VAV3: variants seen among roughly 807,000 people sequenced by gnomAD.
VAV3 encodes guanine nucleotide exchange factor VAV3.
In VAV3, 94 loss-of-function variants were observed where a neutral mutation model predicts 131.2. That is an observed-to-expected ratio of 0.72 (90% CI 0.61 to 0.85). The LOEUF is 0.85. VAV3 is among the 40% of genes least tolerant of loss of function. The pLI, the probability that VAV3 is intolerant of heterozygous loss-of-function variation, is 0.00. For missense variants in VAV3, 939 were observed against 1,002.7 expected (o/e 0.94, Z 0.86); for synonymous variants, 349 against 342.0 (o/e 1.02, Z -0.22).
Position 107,760,826 on chromosome 1 carries a change from C to T in VAV3, c.975G>A (p.Val325=). The part of the protein sequence containing the change: ...NGKFTLRDLL[V]VPMQRVLKYH... ...ACTTTAAAACACGTTGCATAGGAAC[C>T]ACAAGCAAGTCTCGAAGAGTAAATT... Residue 325 remains valine, a synonymous_variant, in exon 10 of 27, where the codon GTG becomes GTA. Coordinates refer to ENST00000370056, the MANE Select transcript of VAV3 (RefSeq NM_006113.5). The T allele has an allele frequency of 6.2e-7, 1 of 1,613,788 alleles. No individual in the cohort carries two copies. The highest frequency in any genetic ancestry group is 8.5e-7 in the Non-Finnish European group (1 of 1,179,814).
chr1:107,795,536 GA>G (rs897753492), intron 2 of VAV3, among the ~76,000 whole-genome samples: 43 of 151,658 alleles, frequency 2.8e-4, no homozygotes, highest in East Asian at 5.8e-4. Flanking sequence ...CTCCCCCCAG[GA>G]AAAAAAATGA....
chr1:107,693,925 C>A (rs958827595), intron 17 of VAV3, among the ~76,000 whole-genome samples: 1 of 152,116 alleles, frequency 6.6e-6, no homozygotes, highest in South Asian at 2.1e-4. Context: ...TGAAAAATGG[C>A]ACTGCTTACT....
chr1:107,596,354 G>T lies in VAV3; in HGVS notation c.2221-13C>A, dbSNP rs759181536. The T allele has an allele frequency of 3.1e-6, 5 of 1,610,608 alleles. No individual in the cohort carries two copies. The highest frequency in any genetic ancestry group is 2.7e-5 in the African/African-American group (2 of 74,846). On this transcript the variant is annotated splice_polypyrimidine_tract_variant and intron_variant, in intron 24 of 26. Coordinates refer to ENST00000370056, the MANE Select transcript of VAV3 (RefSeq NM_006113.5). ...ACTCCACAAGTTCCTTTGGAAAAAA[G>T]AATCCAACATATTTTTGATAAGGAT...
At chr1:107,662,437 C>A (rs900435714) in intron 19 of VAV3, among the ~76,000 whole-genome samples, 2 of 152,084 alleles carry the variant, frequency 1.3e-5, no homozygotes, top group African/African-American at 4.8e-5. Flanking sequence ...CAAGTGGAGA[C>A]AATAATGTCA....
At chr1:107,785,748 G>A (rs967040292) in intron 2 of VAV3, 4 of 764,698 alleles carry the variant, frequency 5.2e-6, no homozygotes, top group African/African-American at 3.8e-5. Context: ...TGTAGACCAG[G>A]TCAACTGCAA....
At chr1:107,576,473 G>A in intron 25 of VAV3, 1 of 1,500,074 alleles carries the variant, frequency 6.7e-7, no homozygotes, top group South Asian at 1.3e-5. Context: ...AACAAAGAGG[G>A]GGCTTTGAGA....
rs767088714 is a variant in VAV3 at position 107,642,772 on chromosome 1, C to G, written c.1778-17G>C. On this transcript the variant is annotated splice_polypyrimidine_tract_variant and intron_variant, in intron 19 of 26. Coordinates refer to ENST00000370056, the MANE Select transcript of VAV3 (RefSeq NM_006113.5). ...TTGGTAAACCTGAAAATAAGCCAAA[C>G]AAGTTTTAGAATTGAGAAAACAATG... 1 of 1,612,782 alleles carries G rather than the reference C, an allele frequency of 6.2e-7. No individual in the cohort carries two copies. The highest frequency in any genetic ancestry group is 1.3e-5 in the African/African-American group (1 of 74,914).
At chr1:107,805,735 GTCTTTATTCCAGTCTTCTC>G (rs1018727602) in intron 2 of VAV3, among the ~76,000 whole-genome samples, 1 of 152,128 alleles carries the variant, frequency 6.6e-6, no homozygotes, top group African/African-American at 2.4e-5. Context: ...GCATCTCCGT[GTCTTTATTCCAGTCTTCTC>G]TGTCTGGCTT....
intron 1 of VAV3, among the ~76,000 whole-genome samples, chr1:107,898,035 G>T (rs1402372207): frequency 6.6e-6 from 1 of 151,738 alleles, no homozygotes; most frequent in Non-Finnish European, 1.5e-5. Context: ...AAAATGTTTT[G>T]TTCTCCAGAG....
chr1:107,858,734 T>C (rs1271128695), intron 2 of VAV3, among the ~76,000 whole-genome samples: 1 of 152,204 alleles, frequency 6.6e-6, no homozygotes, highest in Non-Finnish European at 1.5e-5. Flanking sequence ...ATGAAACCAG[T>C]CCCTGGTACC....
At chr1:107,869,245 C>T (rs1254866703) in intron 2 of VAV3, among the ~76,000 whole-genome samples, 1 of 151,976 alleles carries the variant, frequency 6.6e-6, no homozygotes, top group African/African-American at 2.4e-5. Flanking sequence ...AGATCCAAGG[C>T]CACAGAAGGA....
intron 1 of VAV3, among the ~76,000 whole-genome samples, chr1:107,907,162 A>G (rs1672148620): frequency 6.6e-6 from 1 of 152,222 alleles, no homozygotes; most frequent in South Asian, 2.1e-4. Flanking sequence ...TGGACCACAC[A>G]ATCGGACTCG....
chr1:107,601,798 T>C (rs1189619737), intron 24 of VAV3, among the ~76,000 whole-genome samples: 1 of 152,076 alleles, frequency 6.6e-6, no homozygotes, highest in Non-Finnish European at 1.5e-5. Context: ...CTGGGAATAA[T>C]CCTTATTCAT....
At chr1:107,912,921 G>A (rs144664311) in intron 1 of VAV3, among the ~76,000 whole-genome samples, 1 of 152,218 alleles carries the variant, frequency 6.6e-6, no homozygotes, top group East Asian at 1.9e-4. Flanking sequence ...AAACCACTTG[G>A]TACAGTGGTC....
intron 2 of VAV3, among the ~76,000 whole-genome samples, chr1:107,822,235 T>C (rs368018115): frequency 6.6e-6 from 1 of 152,016 alleles, no homozygotes; most frequent in South Asian, 2.1e-4. Context: ...TTGGAGCCCA[T>C]GGTTAGAAGA....
chr1:107,950,936 A>T (rs1219840741), intron 1 of VAV3, among the ~76,000 whole-genome samples: 5 of 152,136 alleles, frequency 3.3e-5, no homozygotes, highest in African/African-American at 4.8e-5. Flanking sequence ...GATGTCCATT[A>T]AGTATTTTGA....
chr1:107,787,676 A>C (rs1666083029), intron 2 of VAV3, among the ~76,000 whole-genome samples: 1 of 152,174 alleles, frequency 6.6e-6, no homozygotes, highest in African/African-American at 2.4e-5. Context: ...ATTCACTTGC[A>C]CCTTATTCTC....
At chr1:107,863,137 C>G (rs1477993682) in intron 2 of VAV3, among the ~76,000 whole-genome samples, 2 of 152,190 alleles carry the variant, frequency 1.3e-5, no homozygotes, top group African/African-American at 2.4e-5. Context: ...TATATTTGCT[C>G]TTGCTCCATT....
At chr1:107,613,824 T>G (rs1013821993) in intron 21 of VAV3, among the ~76,000 whole-genome samples, 2 of 152,146 alleles carry the variant, frequency 1.3e-5, no homozygotes, top group Admixed American at 1.3e-4. Context: ...TGAATTTTCA[T>G]TGGGAGAATA....
Sources: allele counts gnomAD v4.1 joint callset (sites outside exome capture counted in the v4.1 genomes callset), GRCh38; gene constraint gnomAD v4.1.1; transcripts MANE v1.5; gene names NCBI Gene and HGNC (gene_info 2026-07-23, HGNC 2026-07-21).